Variants in NEBL observed in about 807,000 individuals in gnomAD.
The protein encoded by NEBL is LIM and SH3 protein 2.
In NEBL, 122 loss-of-function variants were observed where a neutral mutation model predicts 140.2. The observed-to-expected ratio is 0.87, with a 90% confidence interval of 0.75 to 1.01. NEBL has a LOEUF of 1.01. Among genes scored for constraint, NEBL ranks in the 50% least tolerant of loss-of-function variants. The probability of loss-of-function intolerance (pLI) is 0.00; values close to 1 mark genes in which losing one functional copy is unlikely to be tolerated. For missense variants in NEBL, 1,365 were observed against 1,231.3 expected, an observed-to-expected ratio of 1.11 and a Z score of -1.62; for synonymous variants, 436 against 398.9, an observed-to-expected ratio of 1.09 and a Z score of -1.11.
chr10:20,895,235 A>G lies in NEBL; in HGVS notation c.153+1723T>C, dbSNP rs150580534. 4.6e-3 allele frequency among the ~76,000 whole-genome samples: 701 copies of G among 152,356 alleles called. 11 individuals are homozygous for G. Among genetic ancestry groups the G allele is most frequent in the African/African-American group, 0.015 (627 of 41,572 alleles). ...TTATGTAACACAAGTTAGCTCAGCT[A>G]TAATTGCACTTCAATAAAAATATAT... On this transcript the variant is annotated intron_variant, in intron 2 of 27. Transcript: ENST00000377122.
intron 2 of NEBL, among the ~76,000 whole-genome samples, chr10:21,024,029 G>A (rs1037723633): frequency 6.6e-6 from 1 of 150,822 alleles, no homozygotes; most frequent in African/African-American, 2.4e-5. Context: ...AGTTTGGTAT[G>A]AGCATCAAAG....
intron 20 of NEBL, 45 bp from the exon 21 acceptor site, chr10:20,817,737 C>T: frequency 7.1e-7 from 1 of 1,415,800 alleles, no homozygotes; most frequent in Non-Finnish European, 1.0e-6. Context: ...ACAATGGGCT[C>T]CACTGAAATA....
intron 26 of NEBL, among the ~76,000 whole-genome samples, chr10:20,789,722 G>A (rs1564325711): frequency 6.6e-6 from 1 of 151,972 alleles, no homozygotes; most frequent in African/African-American, 2.4e-5. Context: ...GTGTGGTGGT[G>A]CATGCCTGTG....
intron 1 of NEBL, among the ~76,000 whole-genome samples, chr10:21,253,127 T>A (rs1842608301): frequency 2.0e-5 from 3 of 152,112 alleles, no homozygotes; most frequent in African/African-American, 7.2e-5. Flanking sequence ...CTGGGCATGA[T>A]GGCAGGCACC....
chr10:21,222,007 C>G (rs1352755090), intron 3 of NEBL, among the ~76,000 whole-genome samples: 1 of 151,866 alleles, frequency 6.6e-6, no homozygotes, highest in Non-Finnish European at 1.5e-5. Flanking sequence ...CTCTTTGGTG[C>G]CCCCGAGAAC....
intron 9 of NEBL, among the ~76,000 whole-genome samples, chr10:20,854,427 T>A (rs966883375): frequency 6.6e-6 from 1 of 152,022 alleles, no homozygotes; most frequent in African/African-American, 2.4e-5. Flanking sequence ...AAAGCAATAG[T>A]CCCCAGAGGG....
At chr10:20,892,264 C>T (rs1847094408) in intron 2 of NEBL, among the ~76,000 whole-genome samples, 2 of 152,236 alleles carry the variant, frequency 1.3e-5, no homozygotes, top group Admixed American at 1.3e-4. Context: ...CCCAGAAGTG[C>T]TTCTAGTGTT....
intron 2 of NEBL, among the ~76,000 whole-genome samples, chr10:21,049,029 A>G (rs138258992): frequency 0.026 from 3,948 of 151,934 alleles, 77 homozygotes; most frequent in South Asian, 0.06. Flanking sequence ...AATAAATAAA[A>G]AGACTGTCTA....
At chr10:20,796,577 T>C (rs934493881) in intron 26 of NEBL, among the ~76,000 whole-genome samples, 6 of 152,112 alleles carry the variant, frequency 3.9e-5, no homozygotes, top group Non-Finnish European at 4.4e-5. Flanking sequence ...CTGCAAATGT[T>C]CTGACAGAAC....
chr10:21,076,850 A>T (rs574015505), intron 2 of NEBL, among the ~76,000 whole-genome samples: 1 of 152,290 alleles, frequency 6.6e-6, no homozygotes, highest in East Asian at 1.9e-4. Context: ...ACTTGAATGG[A>T]TATTTCTCCA....
intron 11 of NEBL, among the ~76,000 whole-genome samples, chr10:20,848,461 T>C (rs915483541): frequency 1.3e-4 from 20 of 152,166 alleles, no homozygotes; most frequent in African/African-American, 4.6e-4. Flanking sequence ...GACAGGAGTC[T>C]CCAATCCTTA....
At chr10:21,101,857 G>C (rs1837494811) in intron 2 of NEBL, among the ~76,000 whole-genome samples, 1 of 152,164 alleles carries the variant, frequency 6.6e-6, no homozygotes, top group Non-Finnish European at 1.5e-5. Context: ...AGAAAGTGAA[G>C]CACTTCTCAT....
chr10:21,254,508 A>G (rs1044392668), intron 1 of NEBL, among the ~76,000 whole-genome samples: 2 of 152,080 alleles, frequency 1.3e-5, no homozygotes, highest in African/African-American at 4.8e-5. Flanking sequence ...CAGTGGCACA[A>G]TGTTGGCTCA....
chr10:20,923,932 T>C (rs978386042), intron 4 of NEBL, among the ~76,000 whole-genome samples: 1 of 152,052 alleles, frequency 6.6e-6, no homozygotes. Flanking sequence ...CTACATTTCC[T>C]ATCTAGCCCT....
At chr10:21,131,081 T>C (rs939089749) in intron 2 of NEBL, among the ~76,000 whole-genome samples, 1 of 152,024 alleles carries the variant, frequency 6.6e-6, no homozygotes, top group African/African-American at 2.4e-5. Context: ...CCATAGATAT[T>C]AAAAGGATAA....
chr10:21,182,147 G>A (rs1048400525), intron 3 of NEBL, among the ~76,000 whole-genome samples: 1 of 151,542 alleles, frequency 6.6e-6, no homozygotes, highest in Non-Finnish European at 1.5e-5. Context: ...ACAGGATATG[G>A]CTGCTGGCTT....
intron 4 of NEBL, among the ~76,000 whole-genome samples, chr10:20,929,929 T>TA (rs1589028839): frequency 1.3e-5 from 2 of 152,090 alleles, no homozygotes. Context: ...AAAATAAAAA[T>TA]AAAAAAATTG....
intron 7 of NEBL, among the ~76,000 whole-genome samples, chr10:20,862,645 A>C (rs888936816): frequency 6.6e-6 from 1 of 152,170 alleles, no homozygotes; most frequent in Non-Finnish European, 1.5e-5. Flanking sequence ...CTTGACTATA[A>C]CTTGTTATCC....
intron 3 of NEBL, among the ~76,000 whole-genome samples, chr10:21,188,587 T>C (rs1841517050): frequency 6.6e-6 from 1 of 150,562 alleles, no homozygotes; most frequent in Non-Finnish European, 1.5e-5. Flanking sequence ...CAATTGGATA[T>C]ATAGTAAAAT....
Sources: gnomAD v4.1 joint callset for allele counts (sites outside exome capture counted in the v4.1 genomes callset) on GRCh38, gnomAD v4.1.1 for gene constraint, MANE v1.5 for transcripts, NCBI Gene and HGNC (gene_info 2026-07-23, HGNC 2026-07-21) for gene names.